EYA1: variants seen among roughly 807,000 people sequenced by gnomAD.
EYA1 encodes the protein protein phosphatase EYA1.
EYA1 carries 16 observed loss-of-function variants against 82.0 expected under a neutral mutation model. The observed-to-expected ratio is 0.20, with a 90% confidence interval of 0.13 to 0.30. EYA1 has a LOEUF of 0.30. EYA1 is among the 10% of genes least tolerant of loss of function. The pLI is 1.00. For missense variants in EYA1, 633 were observed against 730.7 expected, an observed-to-expected ratio of 0.87 and a Z score of 1.54; for synonymous variants, 261 against 264.4, an observed-to-expected ratio of 0.99 and a Z score of 0.12.
intron 7 of EYA1, among the ~76,000 whole-genome samples, chr8:71,315,203 AT>A (rs1821778843): frequency 6.6e-6 from 1 of 152,218 alleles, no homozygotes; most frequent in Non-Finnish European, 1.5e-5. Context: ...AAGAAAAAAA[AT>A]TTTCTAAAAA....
chr8:71,198,649 T>C lies in EYA1; in HGVS notation c.*691A>G, dbSNP rs1806545000. 1 of 153,358 alleles carries C rather than the reference T, an allele frequency of 6.5e-6. No individual in the cohort carries two copies. The highest frequency in any genetic ancestry group is 1.5e-5 in the Non-Finnish European group (1 of 68,570). 9.5% of individuals were successfully genotyped at this position (153,358 alleles called of 1,614,324 possible). A position where few individuals can be genotyped will look rare whatever the true frequency, so the allele number is the denominator to read the frequency against. Reference sequence around the variant, plus strand: ...TACATGATTGTCTCAGTGATGTACATATTATACGTTTAAATTAGACATACT... The same window carrying C: ...TACATGATTGTCTCAGTGATGTACACATTATACGTTTAAATTAGACATACT... On this transcript the variant is annotated 3_prime_UTR_variant, in exon 18 of 18. Coordinates refer to ENST00000340726, the MANE Select transcript of EYA1 (RefSeq NM_000503.6).
intron 4 of EYA1, among the ~76,000 whole-genome samples, chr8:71,331,248 AC>A (rs1823814913): frequency 4.0e-5 from 1 of 24,756 alleles, no homozygotes; most frequent in African/African-American, 1.8e-4. Flanking sequence ...AAATAAATAC[AC>A]ACACACACAC....
At chr8:71,535,220 AC>A (rs1298126681) in intron 2 of EYA1, among the ~76,000 whole-genome samples, 1 of 152,148 alleles carries the variant, frequency 6.6e-6, no homozygotes, top group African/African-American at 2.4e-5. Context: ...AAATCTGCGA[AC>A]CCTTTCTCTT....
At chr8:71,515,093 G>C (rs1448334117) in intron 2 of EYA1, among the ~76,000 whole-genome samples, 1 of 152,066 alleles carries the variant, frequency 6.6e-6, no homozygotes, top group African/African-American at 2.4e-5. Context: ...CACATTTTTA[G>C]TGTATGGTAA....
At chr8:71,445,030 C>A (rs1172537978) in intron 2 of EYA1, among the ~76,000 whole-genome samples, 1 of 152,158 alleles carries the variant, frequency 6.6e-6, no homozygotes, top group Non-Finnish European at 1.5e-5. Context: ...TGAGTTTTCA[C>A]AAGATAATTT....
At chr8:71,239,082 G>A (rs1407963582) in intron 12 of EYA1, among the ~76,000 whole-genome samples, 2 of 151,832 alleles carry the variant, frequency 1.3e-5, no homozygotes, top group African/African-American at 4.8e-5. Flanking sequence ...ATAAAATAAA[G>A]ATGACAATCT....
intron 1 of EYA1, among the ~76,000 whole-genome samples, chr8:71,359,071 T>C (rs1827153224): frequency 6.6e-6 from 1 of 152,142 alleles, no homozygotes; most frequent in Admixed American, 6.5e-5. Context: ...CATTTCACTT[T>C]AATGCTTTTT....
chr8:71,499,899 T>G (rs1159079958), intron 2 of EYA1, among the ~76,000 whole-genome samples: 1 of 152,188 alleles, frequency 6.6e-6, no homozygotes, highest in African/African-American at 2.4e-5. Context: ...GGGATAATGT[T>G]GGCAATTATT....
In EYA1 at chr8:71,381,747, G is replaced by A. The variant is rs117488922; in HGVS notation, c.34-25236C>T. ...CCCCTCTTTCTTGTCCTCTTAGAGG[G>A]ACTGCAAAGAAATGTCTACATCCCC... On this transcript the variant is annotated intron_variant, in intron 2 of 18. Transcript: ENST00000643681. Among the ~76,000 whole-genome samples the A allele has an allele frequency of 9.9e-3, 1,510 of 152,236 alleles. 15 individuals carry two copies. The highest frequency in any genetic ancestry group is 0.017 in the Non-Finnish European group (1,136 of 68,012).
intron 12 of EYA1, among the ~76,000 whole-genome samples, chr8:71,232,357 C>T (rs912198723): frequency 3.3e-5 from 5 of 152,246 alleles, no homozygotes; most frequent in Non-Finnish European, 5.9e-5. Flanking sequence ...AGCCAGGCTC[C>T]GCTGCATGCC....
intron 7 of EYA1, among the ~76,000 whole-genome samples, chr8:71,303,372 T>C (rs1187957031): frequency 2.1e-5 from 3 of 142,002 alleles, no homozygotes; most frequent in African/African-American, 7.5e-5. Flanking sequence ...TTAAGCCAAG[T>C]ACTAATTGAC....
chr8:71,218,007 G>A (rs1376124935), intron 12 of EYA1, among the ~76,000 whole-genome samples: 6 of 152,124 alleles, frequency 3.9e-5, no homozygotes, highest in Admixed American at 3.3e-4. Flanking sequence ...GGCAGACAAG[G>A]ACTCTAGTCC....
chr8:71,334,461 T>C (rs1824258247), intron 3 of EYA1: 2 of 448,332 alleles, frequency 4.5e-6, no homozygotes, highest in South Asian at 4.3e-5. Flanking sequence ...TACTTATTGA[T>C]AAATTATCTC....
At chr8:71,263,090 G>A (rs1563718058) in intron 11 of EYA1, among the ~76,000 whole-genome samples, 1 of 152,130 alleles carries the variant, frequency 6.6e-6, no homozygotes, top group South Asian at 2.1e-4. Flanking sequence ...GGTTTCATTC[G>A]TTGGTCAAAT....
intron 16 of EYA1, among the ~76,000 whole-genome samples, chr8:71,211,657 TA>T: frequency 6.6e-6 from 1 of 152,330 alleles, no homozygotes; most frequent in East Asian, 1.9e-4. Context: ...AACTTGATTT[TA>T]AAAAGTTTTT....
chr8:71,276,322 G>C (rs1817167712), intron 9 of EYA1, among the ~76,000 whole-genome samples: 1 of 152,146 alleles, frequency 6.6e-6, no homozygotes, highest in Non-Finnish European at 1.5e-5. Flanking sequence ...TAGGCTCTTA[G>C]TGCTTGGTAA....
chr8:71,245,430 C>T (rs890465279), intron 11 of EYA1, among the ~76,000 whole-genome samples: 7 of 151,878 alleles, frequency 4.6e-5, no homozygotes, highest in African/African-American at 1.2e-4. Flanking sequence ...GGAGTTTCAC[C>T]ATGTTGGCCA....
intron 2 of EYA1, among the ~76,000 whole-genome samples, chr8:71,393,119 T>C (rs1390842234): frequency 1.3e-5 from 2 of 152,166 alleles, no homozygotes; most frequent in African/African-American, 4.8e-5. Context: ...TCTAAAGTCA[T>C]TTTATACACT....
At chr8:71,506,203 C>T (rs1010169182) in intron 2 of EYA1, among the ~76,000 whole-genome samples, 3 of 152,208 alleles carry the variant, frequency 2.0e-5, no homozygotes, top group Non-Finnish European at 4.4e-5. Context: ...GAGGCACCTT[C>T]ATTCACTTCT....
Sources: gnomAD v4.1 joint callset for allele counts (sites outside exome capture counted in the v4.1 genomes callset) on GRCh38, gnomAD v4.1.1 for gene constraint, MANE v1.5 for transcripts, NCBI Gene and HGNC (gene_info 2026-07-23, HGNC 2026-07-21) for gene names.